The following HTR7 variants were observed in gnomAD, a reference collection of about 807,000 sequenced individuals.
HTR7 encodes 5-HT-7.
In HTR7, 16 loss-of-function variants were observed where a neutral mutation model predicts 34.0. That is an observed-to-expected ratio of 0.47 (90% CI 0.32 to 0.71). HTR7 has a LOEUF of 0.71. Ranked by LOEUF, HTR7 falls within the 30% of genes least tolerant of loss-of-function variation. The pLI is 0.04. For synonymous variants in HTR7, 265 were observed against 260.2 expected, an observed-to-expected ratio of 1.02 and a Z score of -0.18; for missense variants, 504 against 625.5, an observed-to-expected ratio of 0.81 and a Z score of 2.07.
At chr10:90,760,716 CT>C (rs1247768461) in intron 1 of HTR7, among the ~76,000 whole-genome samples, 1 of 152,030 alleles carries the variant, frequency 6.6e-6, no homozygotes, top group African/African-American at 2.4e-5. Flanking sequence ...CCCATCTGTA[CT>C]AAAAATACAG....
At chr10:90,777,315 T>C (rs1330770638) in intron 1 of HTR7, among the ~76,000 whole-genome samples, 2 of 151,836 alleles carry the variant, frequency 1.3e-5, no homozygotes, top group Admixed American at 6.6e-5. Flanking sequence ...ACCCTGTCTC[T>C]ACTAAAAATA....
chr10:90,821,276 T>C (rs934722384), intron 1 of HTR7, among the ~76,000 whole-genome samples: 2 of 152,166 alleles, frequency 1.3e-5, no homozygotes, highest in African/African-American at 4.8e-5. Flanking sequence ...ATGCCATCCC[T>C]TCCCCAACCC....
intron 1 of HTR7, among the ~76,000 whole-genome samples, chr10:90,783,685 G>T (rs978855347): frequency 6.6e-6 from 1 of 152,098 alleles, no homozygotes; most frequent in African/African-American, 2.4e-5. Context: ...AAATAAACTG[G>T]ATTTTAATTT....
chr10:90,788,133 G>A (rs1029906118), intron 1 of HTR7, among the ~76,000 whole-genome samples: 4 of 152,084 alleles, frequency 2.6e-5, no homozygotes, highest in African/African-American at 9.7e-5. Context: ...TGCCATTATG[G>A]AATGGTTGAC....
intron 1 of HTR7, among the ~76,000 whole-genome samples, chr10:90,767,361 T>C (rs1270034901): frequency 6.6e-6 from 1 of 152,256 alleles, no homozygotes; most frequent in African/African-American, 2.4e-5. Flanking sequence ...AGTTTGGAAT[T>C]AACAGCTGAT....
At position 90,749,628 on chromosome 10, in the gene HTR7, C is replaced by A. The variant is rs751300860; in HGVS notation, c.540-34G>T. The A allele has an allele frequency of 6.4e-7, 1 of 1,570,718 alleles. No homozygotes were observed. Among genetic ancestry groups the A allele is most frequent in the Non-Finnish European group, 8.6e-7 (1 of 1,156,728 alleles). ...GAGATGGAAAGATAACAGATGAACA[C>A]CGTGATCATAACTGGTCAACCAAGC... is the stretch of plus-strand genomic sequence containing the variant. On this transcript the variant is annotated intron_variant, in intron 1 of 3. Coordinates refer to ENST00000336152, the MANE Select transcript of HTR7 (RefSeq NM_019859.4). This position sits in a 1 kb window ranked among gnomAD's most constrained non-coding sequence, Gnocchi z 4.2.
At chr10:90,841,118 T>C (rs183655828) in intron 1 of HTR7, among the ~76,000 whole-genome samples, 1 of 152,328 alleles carries the variant, frequency 6.6e-6, no homozygotes, top group East Asian at 1.9e-4. Context: ...TCTGCAACCT[T>C]AGGCATATTT....
At chr10:90,782,358 A>G (rs756554251) in intron 1 of HTR7, among the ~76,000 whole-genome samples, 1 of 152,202 alleles carries the variant, frequency 6.6e-6, no homozygotes, top group Non-Finnish European at 1.5e-5. Flanking sequence ...TAATTATGTA[A>G]TAAGATTATA....
rs772596259 is a variant in HTR7, at chr10:90,749,063, G to C, written c.1071C>G (p.Ser357=). 2 of 1,613,922 alleles carry C rather than the reference G, an allele frequency of 1.2e-6. No homozygotes were observed. The change falls in exon 2 of 4, where the codon TCC becomes TCG. Residue 357 remains serine (S), a synonymous_variant. Transcript: ENST00000336152. This position sits in a 1 kb window ranked among gnomAD's most constrained non-coding sequence, Gnocchi z 4.2. ...STARPFICGT[S]CSCIPLWVER... is the part of the protein sequence containing the mutation. ...CCACCCACAGTGGGATGCAGCTGCA[G>C]GAAGTGCCACAGATGAAGGGTCTGG...
rs747711487 is a variant in HTR7, at chr10:90,824,172, A to G, written c.539+32961T>C. On this transcript the variant is annotated intron_variant, in intron 1 of 3. Transcript: ENST00000336152. ...AGCAAAGAGTTGTCTTGCAATTTGG[A>G]TATCAGCTGAGCCACAACAGGATAG... Among the ~76,000 whole-genome samples, 6 of 152,230 alleles carry G rather than the reference A, an allele frequency of 3.9e-5. No homozygotes were observed. In the South Asian group the frequency reaches 1.2e-3, roughly 31 times the overall value.
chr10:90,799,493 A>T (rs1845593291), intron 1 of HTR7, among the ~76,000 whole-genome samples: 1 of 152,068 alleles, frequency 6.6e-6, no homozygotes, highest in Admixed American at 6.5e-5. Flanking sequence ...CAAAACCCCT[A>T]ACAGCCCCAG....
intron 1 of HTR7, among the ~76,000 whole-genome samples, chr10:90,792,639 G>A (rs996976168): frequency 6.6e-6 from 1 of 151,880 alleles, no homozygotes; most frequent in African/African-American, 2.4e-5. Flanking sequence ...AACTTACAAT[G>A]GGGTTACATG....
In HTR7 at chr10:90,846,770, G is replaced by A. The variant is rs180992269; in HGVS notation, c.539+10363C>T. Among the ~76,000 whole-genome samples the A allele has an allele frequency of 2.8e-4, 42 of 152,350 alleles. No individual in the cohort carries two copies. The East Asian group carries it at 7.5e-3, about 27-fold the overall frequency. ...CACATCTAGCTGTAAGGGAGGCTAAGAAATGCAGCCTTTATTCTGGGCAGC... is the reference window on the plus strand; with the variant it reads ...CACATCTAGCTGTAAGGGAGGCTAAAAAATGCAGCCTTTATTCTGGGCAGC... On this transcript the variant is annotated intron_variant, in intron 1 of 3. Coordinates refer to ENST00000336152, the MANE Select transcript of HTR7 (RefSeq NM_019859.4).
chr10:90,751,637 G>A (rs1172368564), intron 1 of HTR7, among the ~76,000 whole-genome samples: 1 of 152,136 alleles, frequency 6.6e-6, no homozygotes, highest in Non-Finnish European at 1.5e-5. Flanking sequence ...ACTGGGAAGG[G>A]GGGTGTTTCA....
intron 3 of HTR7, among the ~76,000 whole-genome samples, 188 bp downstream of exon 3, chr10:90,743,404 AT>A (rs1844585305): frequency 6.6e-6 from 1 of 152,192 alleles, no homozygotes; most frequent in South Asian, 2.1e-4. Context: ...GGCTCCACGT[AT>A]CTGAAGAGGG....
intron 1 of HTR7, among the ~76,000 whole-genome samples, chr10:90,808,610 C>A (rs12260103): frequency 0.011 from 1,731 of 152,162 alleles, 34 homozygotes; most frequent in African/African-American, 0.039. Flanking sequence ...TGCGCCCCGA[C>A]CCCTTTCCCA....
chr10:90,764,975 A>AT (rs2119734653), intron 1 of HTR7, among the ~76,000 whole-genome samples: 1 of 152,296 alleles, frequency 6.6e-6, no homozygotes, highest in South Asian at 2.1e-4. Context: ...CATCAGAGAT[A>AT]TTGGCCTATA....
intron 1 of HTR7, among the ~76,000 whole-genome samples, chr10:90,850,839 C>T (rs1012210020): frequency 2.0e-5 from 3 of 151,932 alleles, no homozygotes; most frequent in African/African-American, 7.3e-5. Context: ...AACTCAAGCA[C>T]AGATGTAAAA....
chr10:90,857,441 G>A lies in HTR7; in HGVS notation c.231C>T (p.Gly77=). Residue 77 remains glycine, a synonymous_variant, in exon 1 of 4, where the codon GGC becomes GGT. Transcript: ENST00000336152. This position sits in a 1 kb window ranked among gnomAD's most constrained non-coding sequence, Gnocchi z 6.5. ...AGCCGATCACAACTTTCTCGACTCT[G>A]CCGTAGTTGATCTGTTCCCCACAGC... ...ASGCGEQINY[G]RVEKVVIGSI... 6.2e-7 allele frequency: 1 copy of A among 1,613,998 alleles called. No individual in the cohort carries two copies. Among genetic ancestry groups the A allele is most frequent in the Non-Finnish European group, 8.5e-7 (1 of 1,180,020 alleles).
Sources: gnomAD v4.1 joint callset for allele counts (sites outside exome capture counted in the v4.1 genomes callset) on GRCh38, gnomAD v4.1.1 for gene constraint, Gnocchi (gnomAD v3.1) non-coding constraint, MANE v1.5 for transcripts, NCBI Gene and HGNC (gene_info 2026-07-23, HGNC 2026-07-21) for gene names.